Variants in KIAA0825 observed in about 807,000 individuals in gnomAD.
KIAA0825 encodes KIAA0825, also known as uncharacterized protein KIAA0825.
A neutral mutation model predicts 147.6 loss-of-function variants in KIAA0825; 119 were observed. That is an observed-to-expected ratio of 0.81 (90% confidence interval 0.69 to 0.94). The LOEUF (loss-of-function observed/expected upper bound fraction) is 0.94, where lower values mean the gene tolerates loss of function less well. KIAA0825 is among the 40% of genes least tolerant of loss of function. The probability of loss-of-function intolerance (pLI) is 0.00; values close to 1 mark genes in which losing one functional copy is unlikely to be tolerated. For missense variants in KIAA0825, 1,381 were observed against 1,472.7 expected (o/e 0.94, Z 1.02); for synonymous variants, 470 against 518.1 (o/e 0.91, Z 1.26).
chr5:94,218,876 TTTG>T (rs140345076), intron 20 of KIAA0825, among the ~76,000 whole-genome samples: 1,774 of 152,280 alleles, frequency 0.012, 41 homozygotes, highest in East Asian at 0.11. Context: ...CCCACAGATT[TTTG>T]TTGTTGTTGT....
intron 20 of KIAA0825, among the ~76,000 whole-genome samples, chr5:94,196,461 T>C (rs1002724166): frequency 3.3e-5 from 5 of 151,952 alleles, no homozygotes; most frequent in Non-Finnish European, 7.4e-5. Context: ...GAAACTTCTT[T>C]TTTTTTTTTT....
intron 20 of KIAA0825, among the ~76,000 whole-genome samples, chr5:94,217,852 C>T (rs1429857655): frequency 3.3e-5 from 5 of 151,992 alleles, no homozygotes; most frequent in Non-Finnish European, 5.9e-5. Flanking sequence ...TAAGGCAATA[C>T]GTTTTTTTAA....
At chr5:94,449,150 C>T (rs542722446) in intron 13 of KIAA0825, among the ~76,000 whole-genome samples, 3 of 152,138 alleles carry the variant, frequency 2.0e-5, no homozygotes, top group South Asian at 4.2e-4. Context: ...GAATAAGCAA[C>T]AAATTCAATA....
intron 6 of KIAA0825, among the ~76,000 whole-genome samples, chr5:94,479,128 T>C (rs919297635): frequency 6.6e-6 from 1 of 152,152 alleles, no homozygotes; most frequent in East Asian, 1.9e-4. Flanking sequence ...ACATTAGGGT[T>C]CACTCTTTGT....
chr5:94,520,414 T>C lies in KIAA0825; in HGVS notation c.804A>G (p.Pro268=), dbSNP rs1562586262. 1 of 1,612,822 alleles carries C rather than the reference T, an allele frequency of 6.2e-7. No homozygotes were observed. Among genetic ancestry groups the C allele is most frequent in the East Asian group, 2.2e-5 (1 of 44,836 alleles). Reference sequence around the variant, plus strand: ...CTTTAATGAATTTCACCATTGAAGATGGAGCTAAAATTTCACATAGTGTGT... The same window carrying C: ...CTTTAATGAATTTCACCATTGAAGACGGAGCTAAAATTTCACATAGTGTGT... ...DFNTLCEILA[P]SSMVKFIKET... The change falls in exon 5 of 21, where the codon CCA becomes CCG. Residue 268 remains proline (P), a synonymous_variant. Coordinates refer to ENST00000682413, the MANE Select transcript of KIAA0825 (RefSeq NM_001145678.3).
At chr5:94,262,961 T>C (rs767640159) in intron 20 of KIAA0825, among the ~76,000 whole-genome samples, 4 of 152,166 alleles carry the variant, frequency 2.6e-5, no homozygotes, top group Non-Finnish European at 5.9e-5. Context: ...AGACCCAGTC[T>C]AGTGTTACTA....
chr5:94,587,511 G>A (rs938795693), intron 1 of KIAA0825, among the ~76,000 whole-genome samples: 1 of 152,040 alleles, frequency 6.6e-6, no homozygotes, highest in Non-Finnish European at 1.5e-5. Flanking sequence ...TCTTCAAGGA[G>A]AACTACAAAT....
chr5:94,335,163 C>T (rs552378992), intron 20 of KIAA0825, among the ~76,000 whole-genome samples: 3 of 152,232 alleles, frequency 2.0e-5, no homozygotes, highest in African/African-American at 7.2e-5. Context: ...TTATTTACTC[C>T]TCAATATGAA....
chr5:94,283,853 A>G (rs1025841550), intron 20 of KIAA0825, among the ~76,000 whole-genome samples: 3 of 152,016 alleles, frequency 2.0e-5, no homozygotes, highest in Non-Finnish European at 2.9e-5. Flanking sequence ...CCTAAACGCG[A>G]TTACTGAATG....
At chr5:94,193,154 T>C (rs1770828117) in intron 20 of KIAA0825, among the ~76,000 whole-genome samples, 1 of 152,138 alleles carries the variant, frequency 6.6e-6, no homozygotes, top group Admixed American at 6.5e-5. Flanking sequence ...GACAGTCCCT[T>C]CATCCTGTTC....
chr5:94,251,720 C>T (rs1046274546), intron 20 of KIAA0825, among the ~76,000 whole-genome samples: 2 of 151,970 alleles, frequency 1.3e-5, no homozygotes, highest in African/African-American at 2.4e-5. Context: ...ATTCTTCTTA[C>T]ATTAAAGAGG....
intron 20 of KIAA0825, among the ~76,000 whole-genome samples, chr5:94,224,657 T>C (rs1413110102): frequency 2.6e-5 from 4 of 152,168 alleles, no homozygotes; most frequent in African/African-American, 9.6e-5. Flanking sequence ...ATTTTACTAT[T>C]AATATATTCT....
chr5:94,210,363 TATAAC>T (rs1438990740), intron 20 of KIAA0825, among the ~76,000 whole-genome samples: 1 of 152,172 alleles, frequency 6.6e-6, no homozygotes, highest in East Asian at 1.9e-4. Flanking sequence ...AGAAAATCCT[TATAAC>T]ATAATGATGC....
intron 13 of KIAA0825, among the ~76,000 whole-genome samples, chr5:94,449,644 T>G (rs947541649): frequency 1.3e-5 from 2 of 152,160 alleles, no homozygotes; most frequent in Admixed American, 6.5e-5. Flanking sequence ...TAACAACAGC[T>G]GGACATATAC....
chr5:94,368,663 T>C (rs1434397865), intron 20 of KIAA0825, among the ~76,000 whole-genome samples: 2 of 152,184 alleles, frequency 1.3e-5, no homozygotes, highest in Non-Finnish European at 2.9e-5. Flanking sequence ...GAGAAATGTT[T>C]AGAGGAAACA....
At chr5:94,422,245 T>C (rs905391320) in intron 14 of KIAA0825, among the ~76,000 whole-genome samples, 2 of 152,138 alleles carry the variant, frequency 1.3e-5, no homozygotes, top group African/African-American at 4.8e-5. Flanking sequence ...AGACCCTCAT[T>C]CCAGAGGTGC....
At chr5:94,397,027 C>T (rs1750749244) in intron 16 of KIAA0825, among the ~76,000 whole-genome samples, 1 of 151,998 alleles carries the variant, frequency 6.6e-6, no homozygotes, top group Non-Finnish European at 1.5e-5. Flanking sequence ...CCATTTATAC[C>T]CTTCCATCAC....
In KIAA0825 at chr5:94,386,423, A is replaced by G; in HGVS notation, c.3457-19T>C. On this transcript the variant is annotated intron_variant, in intron 18 of 20. Transcript: ENST00000682413. ...AATATTCCTTCAAAGAAAAGAAATT[A>G]CAAGTTGTGACGGTGAGAAGCAGAC... is the stretch of plus-strand genomic sequence containing the variant. 1.3e-6 allele frequency: 2 copies of G among 1,536,124 alleles called. No homozygotes were observed. Among genetic ancestry groups the G allele is most frequent in the South Asian group, 1.2e-5 (1 of 82,540 alleles).
intron 15 of KIAA0825, chr5:94,416,938 T>C (rs1753546872): frequency 3.4e-6 from 1 of 296,364 alleles, no homozygotes; most frequent in African/African-American, 2.1e-5. Flanking sequence ...TAAATTTTTA[T>C]GATAGAACAT....
Sources: allele counts gnomAD v4.1 joint callset (sites outside exome capture counted in the v4.1 genomes callset), GRCh38; gene constraint gnomAD v4.1.1; transcripts MANE v1.5; gene names NCBI Gene and HGNC (gene_info 2026-07-23, HGNC 2026-07-21).